LRRC49: variants seen among roughly 807,000 people sequenced by gnomAD.
LRRC49 encodes the protein leucine rich repeat containing 49.
A neutral mutation model predicts 83.3 loss-of-function variants in LRRC49; 50 were observed. The observed-to-expected ratio is 0.60, with a 90% CI of 0.48 to 0.76. The LOEUF is 0.76. Among genes scored for constraint, LRRC49 ranks in the 30% least tolerant of loss-of-function variants. The pLI, the probability that LRRC49 is intolerant of heterozygous loss-of-function variation, is 0.00. For synonymous variants in LRRC49, 286 were observed against 283.3 expected, an observed-to-expected ratio of 1.01 and a Z score of -0.10; for missense variants, 704 against 809.1, an observed-to-expected ratio of 0.87 and a Z score of 1.58.
At chr15:70,940,314 T>C (rs982112220) in intron 8 of LRRC49, among the ~76,000 whole-genome samples, 3 of 146,680 alleles carry the variant, frequency 2.0e-5, no homozygotes, top group Non-Finnish European at 4.5e-5. Flanking sequence ...TGGAGCGCAG[T>C]AGCGCAATCT....
chr15:70,893,276 C>T, intron 1 of LRRC49: 1 of 549,244 alleles, frequency 1.8e-6, no homozygotes, highest in South Asian at 2.4e-5. Context: ...TAGGGACTCC[C>T]ACCTCCTTCA....
intron 9 of LRRC49, among the ~76,000 whole-genome samples, chr15:70,969,295 A>G (rs2036907182): frequency 1.3e-5 from 2 of 152,062 alleles, no homozygotes; most frequent in South Asian, 4.1e-4. Context: ...ATGGTTGTAG[A>G]TGTGTGGCAT....
Position 71,052,976 on chromosome 15 carries a change from C to A in LRRC49, c.*3364C>A, listed in dbSNP as rs142418935. 6.6e-6 allele frequency: 1 copy of A among 152,042 alleles called. No individual in the cohort carries two copies. Among genetic ancestry groups the A allele is most frequent in the Non-Finnish European group, 1.5e-5 (1 of 68,028 alleles). 9.4% of individuals were successfully genotyped at this position (152,042 alleles called of 1,614,324 possible). On this transcript the variant is annotated 3_prime_UTR_variant, in exon 16 of 16. Coordinates refer to ENST00000260382, the MANE Select transcript of LRRC49 (RefSeq NM_017691.5). ...TGAAGCATATCGTAGACATTATGTG[C>A]GGTATAAATACTAACAAATGTATAA...
At chr15:70,854,144 G>T (rs1364998709) in intron 1 of LRRC49, 1 of 1,184,598 alleles carries the variant, frequency 8.4e-7, no homozygotes. Flanking sequence ...CCAGCCAGCC[G>T]GTCGGCAGCG....
At chr15:70,858,045 G>T (rs531819717) in intron 1 of LRRC49, among the ~76,000 whole-genome samples, 4 of 152,342 alleles carry the variant, frequency 2.6e-5, no homozygotes, top group African/African-American at 9.6e-5. Flanking sequence ...ATGATGCAGC[G>T]TTCCAAGAAC....
upstream of LRRC49, chr15:70,891,950 C>G: frequency 1.2e-6 from 2 of 1,613,624 alleles, no homozygotes; most frequent in Non-Finnish European, 8.5e-7. Flanking sequence ...CGTGTCCAGG[C>G]GGCCTGCTTG....
At chr15:71,029,814 T>C (rs2039291509) in intron 14 of LRRC49, among the ~76,000 whole-genome samples, 2 of 152,218 alleles carry the variant, frequency 1.3e-5, no homozygotes, top group African/African-American at 4.8e-5. Flanking sequence ...TGATTTAAAG[T>C]CTGTTTTATC....
rs1475639613 is a variant in LRRC49, at chr15:71,032,738, T to C, written c.1704-4441T>C. Among the ~76,000 whole-genome samples the C allele has an allele frequency of 9.9e-5, 15 of 152,214 alleles. No homozygotes were observed. In the East Asian group the frequency reaches 1.7e-3, roughly 18 times the overall value. On this transcript the variant is annotated intron_variant, in intron 14 of 15. Transcript: ENST00000260382. ...AAATCAATAAACGTAATTCATCACA[T>C]AAACAGAACTAAAGACCAAAACCAC...
chr15:70,864,751 T>C lies in LRRC49; in HGVS notation c.-298-8157T>C, dbSNP rs187385847. ...ATTCAATGCTGTCCATAAACTCAGA[T>C]GTGGAGAAAATGTAACTCTTTGGGG... is the stretch of plus-strand genomic sequence containing the variant. On this transcript the variant is annotated intron_variant, in intron 1 of 16. Transcript: ENST00000544974. Among the ~76,000 whole-genome samples the C allele has an allele frequency of 2.0e-5, 3 of 152,300 alleles. No individual in the cohort carries two copies. In the East Asian group the frequency reaches 5.8e-4, roughly 29 times the overall value.
At chr15:70,975,316 C>A (rs1028155567) in intron 9 of LRRC49, among the ~76,000 whole-genome samples, 3 of 152,096 alleles carry the variant, frequency 2.0e-5, no homozygotes, top group South Asian at 2.1e-4. Flanking sequence ...GAACAAGGAC[C>A]CTTATATAGA....
chr15:70,860,928 G>A (rs951775297), intron 1 of LRRC49, among the ~76,000 whole-genome samples: 6 of 152,178 alleles, frequency 3.9e-5, no homozygotes, highest in African/African-American at 1.4e-4. Flanking sequence ...TGGCCCTTCT[G>A]GGTTGTGTGT....
chr15:70,954,935 A>G (rs1253881902), intron 8 of LRRC49, among the ~76,000 whole-genome samples: 5 of 151,982 alleles, frequency 3.3e-5, no homozygotes, highest in Non-Finnish European at 7.4e-5. Flanking sequence ...TGGCAGGGGC[A>G]CTGAGGGTGG....
intron 11 of LRRC49, among the ~76,000 whole-genome samples, chr15:71,002,059 A>T (rs1204452331): frequency 6.6e-6 from 1 of 152,126 alleles, no homozygotes; most frequent in African/African-American, 2.4e-5. Flanking sequence ...ATATTTCTAC[A>T]TTTTCTGTAA....
At chr15:71,012,948 A>G (rs1445979151) in intron 14 of LRRC49, 35 bp downstream of exon 14, 2 of 1,287,828 alleles carry the variant, frequency 1.6e-6, no homozygotes, top group African/African-American at 3.0e-5. Context: ...TTATAGAATT[A>G]CTGTTACACT....
chr15:70,991,947 C>A (rs558471035), intron 11 of LRRC49, among the ~76,000 whole-genome samples: 6 of 152,280 alleles, frequency 3.9e-5, no homozygotes, highest in African/African-American at 1.4e-4. Context: ...GGCAAATATG[C>A]TTTTTAAATT....
intron 1 of LRRC49, among the ~76,000 whole-genome samples, chr15:70,855,740 G>A (rs891717347): frequency 8.5e-5 from 13 of 152,174 alleles, no homozygotes; most frequent in Non-Finnish European, 1.0e-4. Flanking sequence ...GTAAGTAAAG[G>A]AAGAGAGAGA....
chr15:71,044,328 A>G (rs1456212857), intron 15 of LRRC49, among the ~76,000 whole-genome samples: 5 of 152,236 alleles, frequency 3.3e-5, no homozygotes, highest in African/African-American at 7.2e-5. Context: ...GACTATATCA[A>G]ATCAGCATTT....
intron 14 of LRRC49, among the ~76,000 whole-genome samples, chr15:71,026,491 C>T (rs1387020715): frequency 6.6e-6 from 1 of 152,192 alleles, no homozygotes; most frequent in African/African-American, 2.4e-5. Flanking sequence ...GGAATCACCA[C>T]ACAGTCTTCC....
chr15:71,024,336 C>T (rs1369856968), intron 14 of LRRC49, among the ~76,000 whole-genome samples: 1 of 152,204 alleles, frequency 6.6e-6, no homozygotes, highest in African/African-American at 2.4e-5. Context: ...TTGCCAGACA[C>T]CTTATACTGG....
Sources: allele counts gnomAD v4.1 joint callset (sites outside exome capture counted in the v4.1 genomes callset), GRCh38; gene constraint gnomAD v4.1.1; transcripts MANE v1.5; gene names NCBI Gene and HGNC (gene_info 2026-07-23, HGNC 2026-07-21).